LRRC37A2: variants seen among roughly 807,000 people sequenced by gnomAD.
LRRC37A2 encodes the protein leucine rich repeat containing 37 member A2, also known as leucine-rich repeat-containing protein 37A2.
A neutral mutation model predicts 68.8 loss-of-function variants in LRRC37A2; 9 were observed. The ratio of observed to expected loss-of-function variants is 0.13; its 90% confidence interval spans 0.08 to 0.23. The LOEUF (loss-of-function observed/expected upper bound fraction) is 0.23, where lower values mean the gene tolerates loss of function less well. Ranked by LOEUF, LRRC37A2 falls within the 10% of genes least tolerant of loss-of-function variation. The pLI is 1.00. For synonymous variants in LRRC37A2, 63 were observed against 367.6 expected (o/e 0.17, Z 9.48); for missense variants, 168 against 950.4 (o/e 0.18, Z 10.82).
the LRRC37A2 span, among the ~76,000 whole-genome samples, chr17:46,725,732 G>A: frequency 9.9e-3 from 1,500 of 152,206 alleles, 14 homozygotes; most frequent in Middle Eastern, 0.037. Context: ...ATCTTGGTGT[G>A]CTGAGGTTGG....
the LRRC37A2 span, chr17:47,017,180 C>T: frequency 2.7e-3 from 4,326 of 1,609,500 alleles, 14 homozygotes; most frequent in Non-Finnish European, 3.4e-3. Flanking sequence ...ACGAGTGTCT[C>T]GGAGCTGCCA....
At chr17:47,000,033 TAAAATA>T in the LRRC37A2 span, among the ~76,000 whole-genome samples, 9 of 21,364 alleles carry the variant, frequency 4.2e-4, no homozygotes, top group African/African-American at 7.8e-4. Flanking sequence ...TAAAATAAAA[TAAAATA>T]AAATAAAATA....
At chr17:46,724,872 A>G in the LRRC37A2 span, among the ~76,000 whole-genome samples, 2 of 152,000 alleles carry the variant, frequency 1.3e-5, no homozygotes, top group Non-Finnish European at 2.9e-5. Flanking sequence ...TTCCTCTGTC[A>G]TGGTTTCAGC....
At chr17:46,908,536 A>C in the LRRC37A2 span, among the ~76,000 whole-genome samples, 83 of 151,898 alleles carry the variant, frequency 5.5e-4, no homozygotes, top group Non-Finnish European at 9.4e-4. Context: ...GTGGATGTTG[A>C]GTGGGGATTT....
the LRRC37A2 span, among the ~76,000 whole-genome samples, chr17:46,852,871 T>G: frequency 6.6e-6 from 1 of 151,836 alleles, no homozygotes; most frequent in African/African-American, 2.4e-5. Flanking sequence ...CAGGTTGGAG[T>G]AAGGGCTGTG....
At chr17:46,892,876 GTC>G in the LRRC37A2 span, among the ~76,000 whole-genome samples, 2 of 152,044 alleles carry the variant, frequency 1.3e-5, no homozygotes, top group Non-Finnish European at 2.9e-5. Context: ...CTGTGTAAGT[GTC>G]TGTTGAAGAA....
chr17:46,770,580 C>T, the LRRC37A2 span, among the ~76,000 whole-genome samples: 1 of 152,164 alleles, frequency 6.6e-6, no homozygotes, highest in African/African-American at 2.4e-5. Flanking sequence ...CGGTCTCAGT[C>T]GCCCTTTTTG....
At chr17:46,822,190 G>A in the LRRC37A2 span, among the ~76,000 whole-genome samples, 1 of 152,242 alleles carries the variant, frequency 6.6e-6, no homozygotes, top group African/African-American at 2.4e-5. Context: ...AGAGGAGGGC[G>A]TTTAACTTTC....
the LRRC37A2 span, among the ~76,000 whole-genome samples, chr17:46,999,261 G>T: frequency 2.6e-5 from 4 of 151,790 alleles, no homozygotes; most frequent in Admixed American, 2.6e-4. Context: ...CCTCTCTGCA[G>T]CTTATTTATT....
At chr17:46,761,334 GTT>G in the LRRC37A2 span, among the ~76,000 whole-genome samples, 6 of 137,552 alleles carry the variant, frequency 4.4e-5, no homozygotes, top group Admixed American at 7.3e-5. Context: ...TTTTTTGTTT[GTT>G]TTTTTTTTTT....
chr17:46,978,161 A>C, the LRRC37A2 span: 1 of 173,790 alleles, frequency 5.8e-6, no homozygotes. Context: ...GCGGGTGGGA[A>C]GCTGCCTGAA....
the LRRC37A2 span, among the ~76,000 whole-genome samples, chr17:46,900,128 TC>T: frequency 7.0e-6 from 1 of 143,324 alleles, no homozygotes; most frequent in Admixed American, 7.2e-5. Flanking sequence ...GAGTACAATT[TC>T]ACCACCTCCT....
At chr17:46,759,906 G>T in the LRRC37A2 span, among the ~76,000 whole-genome samples, 2 of 152,142 alleles carry the variant, frequency 1.3e-5, no homozygotes, top group Non-Finnish European at 2.9e-5. Context: ...TTAGACGTTT[G>T]TAAGTACTTA....
chr17:47,000,086 T>TAAAATAA, the LRRC37A2 span, among the ~76,000 whole-genome samples: 14 of 11,546 alleles, frequency 1.2e-3, 2 homozygotes, highest in Admixed American at 6.2e-3. Context: ...AAAAATAAAA[T>TAAAATAA]AAAATAAAAT....
At chr17:46,848,930 G>A in the LRRC37A2 span, among the ~76,000 whole-genome samples, 13 of 129,146 alleles carry the variant, frequency 1.0e-4, no homozygotes, top group Non-Finnish European at 1.8e-4. Context: ...ATGTGTGCAC[G>A]TGCACACACA....
the LRRC37A2 span, among the ~76,000 whole-genome samples, chr17:46,954,678 T>C: frequency 3.3e-5 from 5 of 152,232 alleles, no homozygotes; most frequent in African/African-American, 4.8e-5. Context: ...TTCTTCCATT[T>C]GTTTGTGTCC....
chr17:46,679,770 A>G, the LRRC37A2 span, among the ~76,000 whole-genome samples: 14 of 151,978 alleles, frequency 9.2e-5, no homozygotes, highest in Non-Finnish European at 1.8e-4. Flanking sequence ...ATTGTGCCCA[A>G]ACTTTTCCAA....
At chr17:46,770,880 G>A in the LRRC37A2 span, among the ~76,000 whole-genome samples, 1 of 152,224 alleles carries the variant, frequency 6.6e-6, no homozygotes, top group Non-Finnish European at 1.5e-5. Flanking sequence ...GGACATTGAC[G>A]ATTAGGGAGG....
chr17:46,676,208 GA>G, the LRRC37A2 span, among the ~76,000 whole-genome samples: 1 of 146,132 alleles, frequency 6.8e-6, no homozygotes, highest in Non-Finnish European at 1.5e-5. Flanking sequence ...TGGAAGCTGG[GA>G]AATCTCCTAT....
Sources: allele counts gnomAD v4.1 joint callset (sites outside exome capture counted in the v4.1 genomes callset), GRCh38; gene constraint gnomAD v4.1.1; transcripts MANE v1.5; gene names NCBI Gene and HGNC (gene_info 2026-07-23, HGNC 2026-07-21).